Variants in CFAP299 observed in about 807,000 individuals in gnomAD.
CFAP299 encodes the protein cilia and flagella associated protein 299.
CFAP299 carries 21 observed loss-of-function variants against 27.0 expected under a neutral mutation model. The ratio of observed to expected loss-of-function variants is 0.78; its 90% CI spans 0.55 to 1.12. The LOEUF (loss-of-function observed/expected upper bound fraction) is 1.12. CFAP299 is among the 50% of genes most tolerant of loss of function. The probability of loss-of-function intolerance (pLI) is 0.00; values close to 1 mark genes in which losing one functional copy is unlikely to be tolerated. For synonymous variants in CFAP299, 104 were observed against 98.1 expected, an observed-to-expected ratio of 1.06 and a Z score of -0.36; for missense variants, 310 against 276.6, an observed-to-expected ratio of 1.12 and a Z score of -0.86.
intron 1 of CFAP299, among the ~76,000 whole-genome samples, chr4:80,354,108 T>C (rs746941239): frequency 4.6e-5 from 7 of 152,166 alleles, no homozygotes; most frequent in Non-Finnish European, 8.8e-5. Context: ...AAAGGGTTCA[T>C]TTAATAATTC....
intron 4 of CFAP299, among the ~76,000 whole-genome samples, chr4:80,916,722 T>C (rs1735784597): frequency 6.6e-6 from 1 of 152,034 alleles, no homozygotes; most frequent in Non-Finnish European, 1.5e-5. Context: ...GAACAATTAT[T>C]GCAGGGATTA....
chr4:80,862,355 G>A (rs563807985), intron 3 of CFAP299, among the ~76,000 whole-genome samples: 1 of 152,154 alleles, frequency 6.6e-6, no homozygotes, highest in African/African-American at 2.4e-5. Flanking sequence ...GGGCAGCAGA[G>A]CCAGACTCCA....
intron 2 of CFAP299, among the ~76,000 whole-genome samples, chr4:80,554,542 A>G (rs1209351041): frequency 7.5e-6 from 1 of 132,982 alleles, no homozygotes; most frequent in Non-Finnish European, 1.5e-5. Context: ...GAAGAATGTC[A>G]TTGGTAGTTT....
At chr4:80,672,430 G>A (rs1011304913) in intron 3 of CFAP299, among the ~76,000 whole-genome samples, 5 of 151,938 alleles carry the variant, frequency 3.3e-5, no homozygotes, top group Admixed American at 6.6e-5. Flanking sequence ...GGATTTTCAC[G>A]TTGATGTTCA....
intron 2 of CFAP299, among the ~76,000 whole-genome samples, chr4:80,434,376 T>A (rs1231640295): frequency 6.6e-6 from 1 of 152,220 alleles, no homozygotes. Flanking sequence ...CCCAAGCTCC[T>A]TTGGAGGTGA....
chr4:80,732,586 A>G (rs1723601369), intron 3 of CFAP299, among the ~76,000 whole-genome samples: 2 of 152,260 alleles, frequency 1.3e-5, no homozygotes, highest in South Asian at 4.1e-4. Context: ...AATGGTCCTT[A>G]TCTTTCTCTT....
intron 3 of CFAP299, among the ~76,000 whole-genome samples, chr4:80,596,760 C>A (rs1422090554): frequency 6.6e-6 from 1 of 152,086 alleles, no homozygotes; most frequent in Non-Finnish European, 1.5e-5. Context: ...CACAACTCTC[C>A]TATTCTCAAT....
intron 2 of CFAP299, among the ~76,000 whole-genome samples, chr4:80,467,911 C>A (rs1729786725): frequency 6.6e-6 from 1 of 152,118 alleles, no homozygotes; most frequent in Non-Finnish European, 1.5e-5. Flanking sequence ...ACCATCAGAT[C>A]TCATGAGAAC....
At chr4:80,729,692 C>T (rs1035926358) in intron 3 of CFAP299, among the ~76,000 whole-genome samples, 3 of 149,168 alleles carry the variant, frequency 2.0e-5, no homozygotes, top group East Asian at 2.0e-4. Context: ...CTCCACCTTC[C>T]GGGTTCATGC....
At chr4:80,778,915 T>C (rs1325433092) in intron 3 of CFAP299, among the ~76,000 whole-genome samples, 1 of 152,138 alleles carries the variant, frequency 6.6e-6, no homozygotes, top group Admixed American at 6.6e-5. Flanking sequence ...TTTTATCCCA[T>C]GTAAATTAAC....
At chr4:80,855,639 G>C (rs1005674806) in intron 3 of CFAP299, among the ~76,000 whole-genome samples, 14 of 152,078 alleles carry the variant, frequency 9.2e-5, no homozygotes, top group African/African-American at 3.4e-4. Flanking sequence ...TCCCATCTAT[G>C]AGTGAGAATA....
chr4:80,357,804 T>C (rs2109992644), intron 1 of CFAP299, among the ~76,000 whole-genome samples: 1 of 152,276 alleles, frequency 6.6e-6, no homozygotes, highest in Non-Finnish European at 1.5e-5. Flanking sequence ...TGTTGATCTT[T>C]TGAATTTTTT....
chr4:80,812,667 T>C (rs939147938), intron 3 of CFAP299, among the ~76,000 whole-genome samples: 2 of 152,122 alleles, frequency 1.3e-5, no homozygotes, highest in Non-Finnish European at 2.9e-5. Flanking sequence ...TTAGCGTCAA[T>C]AGAGTTACAT....
intron 2 of CFAP299, among the ~76,000 whole-genome samples, chr4:80,547,029 A>T (rs1734268727): frequency 1.3e-5 from 2 of 152,180 alleles, no homozygotes; most frequent in Admixed American, 1.3e-4. Flanking sequence ...AAAAAAAATT[A>T]TTCCAGAATT....
chr4:80,590,783 T>C (rs1162246098), intron 3 of CFAP299, among the ~76,000 whole-genome samples: 12 of 152,148 alleles, frequency 7.9e-5, no homozygotes, highest in Admixed American at 7.9e-4. Flanking sequence ...ATAGTACACA[T>C]TGAGGAATAA....
intron 4 of CFAP299, among the ~76,000 whole-genome samples, chr4:80,903,041 A>C (rs1268399084): frequency 6.6e-6 from 1 of 152,150 alleles, no homozygotes; most frequent in African/African-American, 2.4e-5. Flanking sequence ...AGAAATCTTC[A>C]ATCAAAGTAA....
intron 3 of CFAP299, among the ~76,000 whole-genome samples, chr4:80,647,049 CATATAGATGTAG>C (rs1740056124): frequency 6.7e-6 from 1 of 149,892 alleles, no homozygotes; most frequent in African/African-American, 2.5e-5. Context: ...TATAGATGTA[CATATAGATGTAG>C]ATAGATACAG....
intron 3 of CFAP299, among the ~76,000 whole-genome samples, chr4:80,801,975 T>C (rs976942551): frequency 3.9e-5 from 6 of 152,140 alleles, no homozygotes; most frequent in Admixed American, 6.6e-5. Context: ...GAGAAACATG[T>C]TGTTTTGTCT....
intron 3 of CFAP299, among the ~76,000 whole-genome samples, chr4:80,624,462 T>C (rs936057653): frequency 1.3e-5 from 2 of 151,386 alleles, no homozygotes; most frequent in Admixed American, 1.3e-4. Flanking sequence ...AAAAGAAATA[T>C]AAATAAATAA....
Sources: gnomAD v4.1 joint callset for allele counts (sites outside exome capture counted in the v4.1 genomes callset) on GRCh38, gnomAD v4.1.1 for gene constraint, MANE v1.5 for transcripts, NCBI Gene and HGNC (gene_info 2026-07-23, HGNC 2026-07-21) for gene names.